MS4A15: variants seen among roughly 807,000 people sequenced by gnomAD.
MS4A15 encodes the protein membrane spanning 4-domains A15, also known as membrane-spanning 4-domains subfamily A member 15.
A neutral mutation model predicts 20.6 loss-of-function variants in MS4A15; 22 were observed. The observed-to-expected ratio is 1.07, with a 90% CI of 0.76 to 1.52. The LOEUF (loss-of-function observed/expected upper bound fraction) is 1.52, where lower values mean the gene tolerates loss of function less well. Among genes scored for constraint, MS4A15 ranks in the 40% most tolerant of loss-of-function variants. The probability of loss-of-function intolerance (pLI) is 0.00; values close to 1 mark genes in which losing one functional copy is unlikely to be tolerated. For missense variants in MS4A15, 312 were observed against 323.0 expected, an observed-to-expected ratio of 0.97 and a Z score of 0.26; for synonymous variants, 129 against 129.3, an observed-to-expected ratio of 1.00 and a Z score of 0.02.
chr11:60,771,522 CAGG>C (rs1374693158), intron 4 of MS4A15, 175 bp downstream of exon 4: 3 of 1,534,898 alleles, frequency 2.0e-6, no homozygotes, highest in Admixed American at 3.9e-5. Flanking sequence ...TGTGCATGTC[CAGG>C]AGAAGAAGAC....
In MS4A15 at chr11:60,773,758, T is replaced by C. The variant is rs900528577; in HGVS notation, c.499-79T>C. 11 of 1,215,086 alleles carry C rather than the reference T, an allele frequency of 9.1e-6. No individual in the cohort carries two copies. In the Admixed American group the frequency reaches 1.2e-4, roughly 13 times the overall value. 75.3% of individuals were successfully genotyped at this position (1,215,086 alleles called of 1,614,324 possible). On this transcript the variant is annotated intron_variant, in intron 5 of 6. Coordinates refer to ENST00000405633, the MANE Select transcript of MS4A15 (RefSeq NM_001098835.2). ...TCTGCTCCCAACTAGCCGCATGACC[T>C]TGGGCAAGTGGTTCTCACTCGGGGG...
chr11:60,757,388 G>A (rs1038476612), intron 1 of MS4A15, among the ~76,000 whole-genome samples: 5 of 152,118 alleles, frequency 3.3e-5, no homozygotes, highest in Admixed American at 2.6e-4. Flanking sequence ...GGTACACTCG[G>A]TGTTGTATCC....
intron 3 of MS4A15, among the ~76,000 whole-genome samples, chr11:60,768,389 C>T (rs998252626): frequency 6.6e-6 from 1 of 152,226 alleles, no homozygotes; most frequent in African/African-American, 2.4e-5. Flanking sequence ...ATTCCTTTGA[C>T]CTCCTTCCGG....
intron 1 of MS4A15, among the ~76,000 whole-genome samples, chr11:60,758,289 G>A (rs1853642014): frequency 6.6e-6 from 1 of 152,012 alleles, no homozygotes; most frequent in African/African-American, 2.4e-5. Flanking sequence ...GACAATCCCA[G>A]GGTTCCTTTA....
At chr11:60,774,028 G>A (rs900580088) in intron 6 of MS4A15, 78 bp downstream of exon 6, 17 of 1,118,260 alleles carry the variant, frequency 1.5e-5, no homozygotes, top group African/African-American at 7.7e-5. Flanking sequence ...CTGGGAGCGC[G>A]CTCTGCCTCC....
At chr11:60,770,035 G>C (rs1853992217) in intron 3 of MS4A15, among the ~76,000 whole-genome samples, 1 of 152,250 alleles carries the variant, frequency 6.6e-6, no homozygotes, top group African/African-American at 2.4e-5. Context: ...GCACTGCTCA[G>C]CTCCACCCTC....
At chr11:60,763,433 A>G (rs574208698) in intron 1 of MS4A15, among the ~76,000 whole-genome samples, 1 of 152,292 alleles carries the variant, frequency 6.6e-6, no homozygotes, top group Non-Finnish European at 1.5e-5. Context: ...CTCCTCCAAA[A>G]GGAGCTTTCC....
At chr11:60,770,792 G>A (rs371975381) in intron 3 of MS4A15, among the ~76,000 whole-genome samples, 3 of 151,172 alleles carry the variant, frequency 2.0e-5, no homozygotes, top group Admixed American at 6.6e-5. Flanking sequence ...TGCAACCTCC[G>A]CCTCCCAGGT....
At chr11:60,771,963 G>A (rs1055771325) in intron 4 of MS4A15, among the ~76,000 whole-genome samples, 16 of 152,172 alleles carry the variant, frequency 1.1e-4, no homozygotes, top group Admixed American at 1.0e-3. Flanking sequence ...TAGCAGTGAA[G>A]GTCATGGCAT....
chr11:60,757,841 A>G (rs1853631958), intron 1 of MS4A15, among the ~76,000 whole-genome samples: 1 of 152,236 alleles, frequency 6.6e-6, no homozygotes, highest in Non-Finnish European at 1.5e-5. Context: ...AGAGGGACTT[A>G]GGAAGGGAGA....
chr11:60,771,627 G>A (rs1854048064), intron 4 of MS4A15: 1 of 1,469,086 alleles, frequency 6.8e-7, no homozygotes, highest in Non-Finnish European at 9.1e-7. Flanking sequence ...AAGATCTCCT[G>A]TAAGAGTCCT....
chr11:60,771,343 G>T lies in MS4A15; in HGVS notation c.401G>T (p.Cys134Phe), dbSNP rs758860694. 16 of 1,613,972 alleles carry T rather than the reference G, an allele frequency of 9.9e-6. No homozygotes were observed. Among genetic ancestry groups the T allele is most frequent in the Non-Finnish European group, 6.8e-6 (8 of 1,180,034 alleles). Residue 134 changes from cysteine (C) to phenylalanine (F), a missense_variant, in exon 4 of 7, where the codon TGC becomes TTC. Transcript: ENST00000405633. ...GCAGCCGAGAAGAACCACACCAGTTGCCTGGTGAGTGTGAACAGGGGGACC... is the reference window on the plus strand; with the variant it reads ...GCAGCCGAGAAGAACCACACCAGTTTCCTGGTGAGTGTGAACAGGGGGACC... ...SVAAEKNHTS[C>F]LVRSSLGTNI... is the part of the protein sequence containing the mutation.
chr11:60,768,356 C>T (rs1197905828), intron 3 of MS4A15, among the ~76,000 whole-genome samples: 1 of 152,204 alleles, frequency 6.6e-6, no homozygotes, highest in African/African-American at 2.4e-5. Context: ...GGGAGTCCAA[C>T]CAGCTCTGAA....
At chr11:60,770,425 C>A (rs1157856671) in intron 3 of MS4A15, among the ~76,000 whole-genome samples, 2 of 151,886 alleles carry the variant, frequency 1.3e-5, no homozygotes, top group African/African-American at 4.8e-5. Context: ...TGGTGAAACC[C>A]CGTCTCTCCT....
intron 3 of MS4A15, among the ~76,000 whole-genome samples, chr11:60,769,110 C>T (rs571601033): frequency 6.6e-6 from 1 of 152,170 alleles, no homozygotes; most frequent in Non-Finnish European, 1.5e-5. Context: ...CCCTCTGAGC[C>T]CCCTCCTGCC....
chr11:60,766,301 A>C (rs1392404824), intron 2 of MS4A15, among the ~76,000 whole-genome samples: 2 of 152,192 alleles, frequency 1.3e-5, no homozygotes, highest in East Asian at 3.9e-4. Context: ...GAATCACCTA[A>C]ACCTGGGAGG....
chr11:60,765,775 G>A (rs1419346508), intron 2 of MS4A15, among the ~76,000 whole-genome samples: 1 of 151,718 alleles, frequency 6.6e-6, no homozygotes, highest in Non-Finnish European at 1.5e-5. Flanking sequence ...TGGACTGGGG[G>A]CACAGACACC....
chr11:60,768,195 A>C (rs1388615337), intron 3 of MS4A15, among the ~76,000 whole-genome samples: 1 of 152,146 alleles, frequency 6.6e-6, no homozygotes, highest in Admixed American at 6.5e-5. Context: ...TCCATCTCAA[A>C]AAGAAAAAAA....
At chr11:60,767,502 C>T in intron 2 of MS4A15, 31 bp from the exon 3 acceptor site, 1 of 1,486,114 alleles carries the variant, frequency 6.7e-7, no homozygotes, top group Non-Finnish European at 9.0e-7. Context: ...GGAACAGGGC[C>T]CGCGGCACTG....
Sources: gnomAD v4.1 joint callset for allele counts (sites outside exome capture counted in the v4.1 genomes callset) on GRCh38, gnomAD v4.1.1 for gene constraint, MANE v1.5 for transcripts, NCBI Gene and HGNC (gene_info 2026-07-23, HGNC 2026-07-21) for gene names.